The following MSRA variants were observed in gnomAD, a reference collection of about 807,000 sequenced individuals.
The protein encoded by MSRA is methionine sulfoxide reductase A.
MSRA carries 54 observed loss-of-function variants against 31.3 expected under a neutral mutation model. That is an observed-to-expected ratio of 1.73 (90% CI 1.39 to 2.17). The LOEUF is 2.17. Among genes scored for constraint, MSRA ranks in the 30% most tolerant of loss-of-function variants. The pLI, the probability that MSRA is intolerant of heterozygous loss-of-function variation, is 0.00. For missense variants in MSRA, 507 were observed against 300.9 expected (o/e 1.69, Z -5.07); for synonymous variants, 169 against 116.5 (o/e 1.45, Z -2.90).
At chr8:10,277,394 G>C (rs62494121) in intron 3 of MSRA, among the ~76,000 whole-genome samples, 1 of 152,112 alleles carries the variant, frequency 6.6e-6, no homozygotes, top group Non-Finnish European at 1.5e-5. Context: ...TTCTTGGGAA[G>C]GTCACTCACC....
intron 5 of MSRA, among the ~76,000 whole-genome samples, chr8:10,382,797 C>T (rs1207002079): frequency 1.3e-5 from 2 of 152,150 alleles, no homozygotes; most frequent in Non-Finnish European, 2.9e-5. Context: ...GAAGAGGTCC[C>T]ACTCTGCCAC....
chr8:10,357,382 C>T (rs1422767503), intron 5 of MSRA, among the ~76,000 whole-genome samples: 1 of 152,220 alleles, frequency 6.6e-6, no homozygotes, highest in Non-Finnish European at 1.5e-5. Context: ...CAGACATTGA[C>T]TTGGTTTCCT....
chr8:10,259,607 A>G (rs1336242841), intron 3 of MSRA, among the ~76,000 whole-genome samples: 2 of 151,844 alleles, frequency 1.3e-5, no homozygotes, highest in Middle Eastern at 3.2e-3. Context: ...GGTGCAAAAC[A>G]TTTTTCTGGA....
intron 3 of MSRA, among the ~76,000 whole-genome samples, chr8:10,252,516 G>C (rs975560789): frequency 1.3e-5 from 2 of 152,138 alleles, no homozygotes; most frequent in Non-Finnish European, 2.9e-5. Context: ...CAGAGCTAAG[G>C]GTGTGACAGT....
At chr8:10,298,792 T>A (rs1024852006) in intron 3 of MSRA, among the ~76,000 whole-genome samples, 4 of 152,220 alleles carry the variant, frequency 2.6e-5, no homozygotes, top group African/African-American at 9.6e-5. Context: ...CACGTTTGTT[T>A]CCCTTTGTTT....
At chr8:10,272,683 A>G (rs906131551) in intron 3 of MSRA, among the ~76,000 whole-genome samples, 2 of 152,192 alleles carry the variant, frequency 1.3e-5, no homozygotes, top group African/African-American at 2.4e-5. Context: ...CTTTAAGACT[A>G]CCCTCAAACG....
intron 1 of MSRA, among the ~76,000 whole-genome samples, chr8:10,185,941 CCTGTG>C (rs1807010683): frequency 6.6e-6 from 1 of 151,948 alleles, no homozygotes. Flanking sequence ...GGGTTATTGA[CCTGTG>C]CAAAGGAGGA....
At position 10,054,355 on chromosome 8, in the gene MSRA, T is replaced by G. The variant is rs989207121; in HGVS notation, c.-162T>G. 4.9e-6 allele frequency: 3 copies of G among 612,518 alleles called. No homozygotes were observed. The highest frequency in any genetic ancestry group is 3.9e-5 in the African/African-American group (2 of 50,906). The allele number at this position is 612,518 out of a possible 1,614,324, so 37.9% of individuals were successfully genotyped here. A position where few individuals can be genotyped will look rare whatever the true frequency, so the allele number is the denominator to read the frequency against. ...GGCCCCGGGTTTGGGCAACCTCGATTACGGGCGGCCTCCAGCCCCGCCAGC... is the reference window on the plus strand; with the variant it reads ...GGCCCCGGGTTTGGGCAACCTCGATGACGGGCGGCCTCCAGCCCCGCCAGC... On this transcript the variant is annotated 5_prime_UTR_variant, in exon 1 of 6. It adds an upstream start codon to the 5' untranslated region. Transcript: ENST00000317173.
rs546010134 is a variant in MSRA, at chr8:10,109,632, G to A, written c.142+54974G>A. On this transcript the variant is annotated intron_variant, in intron 1 of 5. Coordinates refer to ENST00000317173, the MANE Select transcript of MSRA (RefSeq NM_012331.5). ...GCTGGAATTATAGGTGTACGCCACT[G>A]TGCCCAGTCTTTTTTCTTATGATGT... Among the ~76,000 whole-genome samples, 5 of 152,136 alleles carry A rather than the reference G, an allele frequency of 3.3e-5. 1 individual carries two copies. Among genetic ancestry groups the A allele is most frequent in the South Asian group, 4.1e-4 (2 of 4,824 alleles).
intron 1 of MSRA, among the ~76,000 whole-genome samples, chr8:10,156,163 G>A (rs1445416307): frequency 2.6e-5 from 4 of 152,170 alleles, no homozygotes; most frequent in South Asian, 2.1e-4. Context: ...AGACCAAGCA[G>A]AAATAACAGC....
intron 5 of MSRA, among the ~76,000 whole-genome samples, chr8:10,397,473 C>T (rs1165911793): frequency 6.6e-6 from 1 of 152,150 alleles, no homozygotes; most frequent in African/African-American, 2.4e-5. Flanking sequence ...GAGTAGAGCT[C>T]TGGGGTATGA....
intron 1 of MSRA, among the ~76,000 whole-genome samples, chr8:10,116,190 A>C (rs1440781167): frequency 6.6e-6 from 1 of 152,236 alleles, no homozygotes; most frequent in Non-Finnish European, 1.5e-5. Flanking sequence ...CCCGTGGGCC[A>C]CATGTGGCCC....
chr8:10,405,297 C>T (rs939562115), intron 5 of MSRA, among the ~76,000 whole-genome samples: 1 of 152,098 alleles, frequency 6.6e-6, no homozygotes, highest in African/African-American at 2.4e-5. Context: ...AGCTCGGCCA[C>T]CCATCGCCCT....
At chr8:10,136,964 G>A (rs1375963246) in intron 1 of MSRA, among the ~76,000 whole-genome samples, 2 of 152,202 alleles carry the variant, frequency 1.3e-5, no homozygotes, top group East Asian at 3.8e-4. Flanking sequence ...TTGTCGTCAT[G>A]GGCCCAAAAA....
At chr8:10,268,376 G>A (rs1174846636) in intron 3 of MSRA, among the ~76,000 whole-genome samples, 2 of 144,256 alleles carry the variant, frequency 1.4e-5, no homozygotes, top group African/African-American at 2.4e-5. Context: ...GATATGGGGA[G>A]ACTACACTCT....
intron 5 of MSRA, among the ~76,000 whole-genome samples, chr8:10,418,780 T>G (rs561873266): frequency 2.6e-5 from 3 of 113,884 alleles, no homozygotes; most frequent in African/African-American, 1.0e-4. Context: ...ATGGCTAAGA[T>G]AGTACATTTT....
chr8:10,333,718 G>A (rs1222645935), intron 5 of MSRA, among the ~76,000 whole-genome samples: 1 of 151,658 alleles, frequency 6.6e-6, no homozygotes, highest in African/African-American at 2.4e-5. Flanking sequence ...ACGCTTCTCA[G>A]AGCCGGCCCC....
At chr8:10,138,440 C>T (rs908213782) in intron 1 of MSRA, among the ~76,000 whole-genome samples, 3 of 152,122 alleles carry the variant, frequency 2.0e-5, no homozygotes, top group South Asian at 2.1e-4. Flanking sequence ...TTCTGGCCCA[C>T]GGGACACACA....
intron 1 of MSRA, among the ~76,000 whole-genome samples, chr8:10,068,922 G>A (rs953335925): frequency 9.9e-5 from 15 of 152,092 alleles, no homozygotes; most frequent in Non-Finnish European, 1.6e-4. Context: ...TGTGCACATG[G>A]ACTATCTCTC....
Sources: allele counts gnomAD v4.1 joint callset (sites outside exome capture counted in the v4.1 genomes callset), GRCh38; gene constraint gnomAD v4.1.1; transcripts MANE v1.5; gene names NCBI Gene and HGNC (gene_info 2026-07-23, HGNC 2026-07-21).